MYO10: variants seen among roughly 807,000 people sequenced by gnomAD.
MYO10 encodes unconventional myosin-X.
In MYO10, 133 loss-of-function variants were observed where a neutral mutation model predicts 257.3. The ratio of observed to expected loss-of-function variants is 0.52; its 90% CI spans 0.45 to 0.60. The LOEUF is 0.60. Among genes scored for constraint, MYO10 ranks in the 20% least tolerant of loss-of-function variants. The pLI is 0.00. For synonymous variants in MYO10, 1,104 were observed against 1,028.6 expected (o/e 1.07, Z -1.40); for missense variants, 2,399 against 2,635.7 (o/e 0.91, Z 1.97).
chr5:16,910,023 G>A (rs1302713656), intron 1 of MYO10, among the ~76,000 whole-genome samples: 1 of 152,030 alleles, frequency 6.6e-6, no homozygotes, highest in African/African-American at 2.4e-5. Context: ...TTATACAGCC[G>A]CAGAACCATG....
chr5:16,735,799 C>A (rs535709907), intron 19 of MYO10, among the ~76,000 whole-genome samples: 1 of 152,188 alleles, frequency 6.6e-6, no homozygotes, highest in African/African-American at 2.4e-5. Flanking sequence ...CCAACAATAT[C>A]TTGGCATCAT....
chr5:16,849,453 A>C (rs1352106282), intron 2 of MYO10, among the ~76,000 whole-genome samples: 3 of 152,222 alleles, frequency 2.0e-5, no homozygotes, highest in Non-Finnish European at 4.4e-5. Context: ...GCAAAGAGAG[A>C]TAGAAGGGAA....
At chr5:16,669,677 CATCACCTA>C (rs1331151334) in intron 39 of MYO10, among the ~76,000 whole-genome samples, 1 of 152,148 alleles carries the variant, frequency 6.6e-6, no homozygotes, top group Non-Finnish European at 1.5e-5. Context: ...CAATCAAAAA[CATCACCTA>C]ATGAAAAGCC....
At chr5:16,712,916 G>A (rs1419938739) in intron 19 of MYO10, among the ~76,000 whole-genome samples, 1 of 152,168 alleles carries the variant, frequency 6.6e-6, no homozygotes, top group Non-Finnish European at 1.5e-5. Flanking sequence ...ATTAGCCTTG[G>A]TGACTCTTAT....
At chr5:16,792,750 T>C (rs1391651432) in intron 4 of MYO10, among the ~76,000 whole-genome samples, 2 of 152,140 alleles carry the variant, frequency 1.3e-5, no homozygotes, top group Admixed American at 6.5e-5. Flanking sequence ...GGGGCTGCAG[T>C]GCTCACAGGC....
chr5:16,921,264 C>CCTT (rs1610950), intron 1 of MYO10, among the ~76,000 whole-genome samples: 98,336 of 151,694 alleles, frequency 0.65, 32,061 homozygotes, highest in East Asian at 0.69. Flanking sequence ...GAGAATACGA[C>CCTT]CTTTTTCCTA....
chr5:16,785,907 CGGCA>C (rs1741565643), intron 4 of MYO10, among the ~76,000 whole-genome samples: 1 of 151,884 alleles, frequency 6.6e-6, no homozygotes, highest in Non-Finnish European at 1.5e-5. Context: ...ACAAAAAACC[CGGCA>C]GGCAGGCAGT....
intron 1 of MYO10, among the ~76,000 whole-genome samples, chr5:16,930,817 G>A (rs552694669): frequency 4.6e-5 from 7 of 152,218 alleles, no homozygotes; most frequent in South Asian, 4.1e-4. Context: ...CTACTGCTAA[G>A]ATAGGATGCT....
At chr5:16,672,495 G>T (rs1440107283) in intron 37 of MYO10, among the ~76,000 whole-genome samples, 194 bp downstream of exon 37, 2 of 152,156 alleles carry the variant, frequency 1.3e-5, no homozygotes, top group Non-Finnish European at 2.9e-5. Flanking sequence ...GTTACATCAC[G>T]TAAGACCGTA....
chr5:16,783,514 T>TA (rs770003040), intron 4 of MYO10, 45 bp from the exon 5 acceptor site: 138 of 1,561,284 alleles, frequency 8.8e-5, no homozygotes, highest in Middle Eastern at 3.4e-4. Flanking sequence ...CTATAATTTT[T>TA]AAAAAAAAAT....
At chr5:16,822,788 G>A (rs996464251) in intron 2 of MYO10, among the ~76,000 whole-genome samples, 1 of 151,654 alleles carries the variant, frequency 6.6e-6, no homozygotes, top group African/African-American at 2.4e-5. Flanking sequence ...CCCAGGTTCA[G>A]GCCATTCTCC....
chr5:16,924,029 G>T (rs1042965534), intron 1 of MYO10, among the ~76,000 whole-genome samples: 4 of 152,180 alleles, frequency 2.6e-5, no homozygotes, highest in African/African-American at 9.7e-5. Context: ...GATCAAGGCT[G>T]CAGTGAGCCA....
chr5:16,716,818 C>T (rs1738895500), intron 19 of MYO10, among the ~76,000 whole-genome samples: 1 of 151,958 alleles, frequency 6.6e-6, no homozygotes, highest in Admixed American at 6.6e-5. Context: ...GGCAAAATGA[C>T]TTGTTCAAAC....
At chr5:16,889,473 A>G (rs1488815966) in intron 1 of MYO10, among the ~76,000 whole-genome samples, 1 of 140,312 alleles carries the variant, frequency 7.1e-6, no homozygotes, top group Non-Finnish European at 1.5e-5. Flanking sequence ...AAGGGAAGAA[A>G]AGAAAGAAGG....
chr5:16,846,600 T>G (rs554624572), intron 2 of MYO10, among the ~76,000 whole-genome samples: 1 of 152,298 alleles, frequency 6.6e-6, no homozygotes, highest in African/African-American at 2.4e-5. Context: ...CACAAACAGG[T>G]CCATAATTAG....
chr5:16,779,608 CA>C lies in MYO10; in HGVS notation c.866del (p.Leu289Ter). ...YLSTPENYHY[L>X]NQSGCVEDKT... The stretch of plus-strand genomic sequence containing the variant: ...TGTCTTCTACACATCCAGACTGATT[CA>C]AGTAGTGGTAGTTTTCTGGCGTAGA... On this transcript the variant is annotated frameshift_variant, in exon 9 of 41. Coordinates refer to ENST00000513610, the MANE Select transcript of MYO10 (RefSeq NM_012334.3). LOFTEE classifies it high-confidence loss of function. The C allele has an allele frequency of 1.2e-6, 2 of 1,604,670 alleles. No individual in the cohort carries two copies. The highest frequency in any genetic ancestry group is 1.7e-6 in the Non-Finnish European group (2 of 1,177,380).
chr5:16,819,337 C>T (rs1192827269), intron 2 of MYO10, among the ~76,000 whole-genome samples: 1 of 152,156 alleles, frequency 6.6e-6, no homozygotes, highest in Non-Finnish European at 1.5e-5. Flanking sequence ...TTTCTAATGT[C>T]TACTCAGTGC....
intron 4 of MYO10, among the ~76,000 whole-genome samples, chr5:16,791,437 C>T (rs1211541139): frequency 1.3e-5 from 2 of 152,100 alleles, no homozygotes; most frequent in Non-Finnish European, 2.9e-5. Context: ...TTACTCTGTT[C>T]ACATCAGCAT....
intron 26 of MYO10, 73 bp downstream of exon 26, chr5:16,699,377 C>T: frequency 6.5e-7 from 1 of 1,545,160 alleles, no homozygotes; most frequent in Non-Finnish European, 8.8e-7. Flanking sequence ...TTTCCCACCG[C>T]CATCCATCAG....
Sources: allele counts gnomAD v4.1 joint callset (sites outside exome capture counted in the v4.1 genomes callset), GRCh38; gene constraint gnomAD v4.1.1; transcripts MANE v1.5; gene names NCBI Gene and HGNC (gene_info 2026-07-23, HGNC 2026-07-21).